PCDHGB6: variants seen among roughly 807,000 people sequenced by gnomAD.
The protein encoded by PCDHGB6 is protocadherin gamma subfamily B, 6.
A neutral mutation model predicts 59.1 loss-of-function variants in PCDHGB6; 51 were observed. The ratio of observed to expected loss-of-function variants is 0.86; its 90% CI spans 0.69 to 1.09. The LOEUF (loss-of-function observed/expected upper bound fraction) is 1.09. Among genes scored for constraint, PCDHGB6 ranks in the 50% least tolerant of loss-of-function variants. The pLI, the probability that PCDHGB6 is intolerant of heterozygous loss-of-function variation, is 0.00. For missense variants in PCDHGB6, 1,148 were observed against 1,205.1 expected (o/e 0.95, Z 0.70); for synonymous variants, 466 against 495.1 (o/e 0.94, Z 0.78).
intron 1 of PCDHGB6, among the ~76,000 whole-genome samples, chr5:141,439,557 A>C (rs766239185): frequency 1.2e-4 from 19 of 152,178 alleles, no homozygotes; most frequent in Non-Finnish European, 2.2e-4. Context: ...TTCAGGCTGC[A>C]GTTCTAGAGT....
chr5:141,433,850 A>C (rs899643386), intron 1 of PCDHGB6, among the ~76,000 whole-genome samples: 2 of 151,896 alleles, frequency 1.3e-5, no homozygotes, highest in East Asian at 3.9e-4. Flanking sequence ...AAAAAAAAAA[A>C]AAAAACTTTA....
intron 1 of PCDHGB6, among the ~76,000 whole-genome samples, chr5:141,433,809 C>A (rs913637407): frequency 5.3e-5 from 8 of 149,948 alleles, no homozygotes; most frequent in Non-Finnish European, 1.2e-4. Flanking sequence ...TGCACTCCAG[C>A]CTGGGCAACA....
intron 1 of PCDHGB6, chr5:141,417,186 C>A (rs2154546857): frequency 6.6e-6 from 1 of 152,258 alleles, no homozygotes; most frequent in Admixed American, 6.5e-5. Context: ...GGAATTATTA[C>A]TTTCTGGGTG....
chr5:141,460,822 C>A (rs2098998601), intron 1 of PCDHGB6, among the ~76,000 whole-genome samples: 2 of 151,502 alleles, frequency 1.3e-5, no homozygotes, highest in South Asian at 4.1e-4. Context: ...TACATATATA[C>A]ACACTTAAAG....
At chr5:141,427,266 G>A (rs753905641) in intron 1 of PCDHGB6, 15 of 456,620 alleles carry the variant, frequency 3.3e-5, no homozygotes, top group Non-Finnish European at 5.7e-5. Context: ...CATGACCAGC[G>A]AATGTAAAAT....
In PCDHGB6 at chr5:141,490,751, C is replaced by T. The variant is rs2099703884; in HGVS notation, c.2419-4056C>T. 6.2e-6 allele frequency: 10 copies of T among 1,614,092 alleles called. No individual in the cohort carries two copies. The highest frequency in any genetic ancestry group is 1.7e-5 in the Admixed American group (1 of 60,012). ...AATCAGGTTCAGGGAGCCCCAGCCT[C>T]CTCCTTTGTGTATGTCAACCCAGAG... On this transcript the variant is annotated intron_variant, in intron 1 of 3. Coordinates refer to ENST00000520790, the MANE Select transcript of PCDHGB6 (RefSeq NM_018926.3). This position sits in a 1 kb window ranked among gnomAD's most constrained non-coding sequence, Gnocchi z 5.4.
chr5:141,478,327 A>G lies in PCDHGB6; in HGVS notation c.2419-16480A>G, dbSNP rs149317962. The G allele has an allele frequency of 9.9e-6, 16 of 1,613,974 alleles. No homozygotes were observed. The African/African-American group carries it at 2.0e-4, about 20-fold the overall frequency. The stretch of plus-strand genomic sequence containing the variant: ...CCCCGGTGAGCTCACTGTACCGAAC[A>G]CCAGGGCCCTCCTTGCACGCGGACG... On this transcript the variant is annotated intron_variant, in intron 1 of 3. Transcript: ENST00000520790.
At chr5:141,459,442 A>G (rs2098968073) in intron 1 of PCDHGB6, among the ~76,000 whole-genome samples, 1 of 152,198 alleles carries the variant, frequency 6.6e-6, no homozygotes, top group South Asian at 2.1e-4. Context: ...CATTCATTCA[A>G]CTGTTGGTGG....
chr5:141,420,076 T>TC, intron 1 of PCDHGB6: 1 of 1,613,956 alleles, frequency 6.2e-7, no homozygotes, highest in Non-Finnish European at 8.5e-7. Context: ...GACCTGTGGG[T>TC]CCCCCCAACT....
chr5:141,421,895 G>A, intron 1 of PCDHGB6: 1 of 1,613,730 alleles, frequency 6.2e-7, no homozygotes, highest in African/African-American at 1.3e-5. Flanking sequence ...GATCCCATCC[G>A]AAAGGGCGCA....
chr5:141,452,641 CT>C (rs1351640847), intron 1 of PCDHGB6, among the ~76,000 whole-genome samples: 3 of 151,934 alleles, frequency 2.0e-5, no homozygotes, highest in Admixed American at 1.3e-4. Flanking sequence ...AATATATTTA[CT>C]CATTTGCTCC....
At chr5:141,414,223 G>C in intron 1 of PCDHGB6, 1 of 1,613,426 alleles carries the variant, frequency 6.2e-7, no homozygotes, top group Non-Finnish European at 8.5e-7. Flanking sequence ...CAACAGTCCA[G>C]AGCTGACCAT....
In PCDHGB6 at chr5:141,431,887, T is replaced by C; in HGVS notation, c.2418+21267T>C. The C allele has an allele frequency of 1.2e-6, 2 of 1,614,190 alleles. No individual in the cohort carries two copies. The highest frequency in any genetic ancestry group is 1.7e-6 in the Non-Finnish European group (2 of 1,179,996). ...TTTTAAATGTAAATGACCAAGATTCTGAGGAAAACGGACAGGTGATCTGTT... is the reference window on the plus strand; with the variant it reads ...TTTTAAATGTAAATGACCAAGATTCCGAGGAAAACGGACAGGTGATCTGTT... On this transcript the variant is annotated intron_variant, in intron 1 of 3. Coordinates refer to ENST00000520790, the MANE Select transcript of PCDHGB6 (RefSeq NM_018926.3). The surrounding 1 kb of genome is among the most constrained non-coding windows in gnomAD (Gnocchi z 4.8).
intron 1 of PCDHGB6, among the ~76,000 whole-genome samples, chr5:141,484,544 A>G (rs1160398392): frequency 6.6e-6 from 1 of 152,144 alleles, no homozygotes; most frequent in Non-Finnish European, 1.5e-5. Flanking sequence ...CAGTGGTTCT[A>G]ATTAGCAGTT....
At chr5:141,464,279 C>CAA (rs373828487) in intron 1 of PCDHGB6, among the ~76,000 whole-genome samples, 8,568 of 137,664 alleles carry the variant, frequency 0.062, 499 homozygotes, top group African/African-American at 0.16. Context: ...AAAAAAAAAG[C>CAA]AAAAAAAAAA....
Position 141,476,901 on chromosome 5 carries a change from G to A in PCDHGB6, c.2419-17906G>A, listed in dbSNP as rs1466086788. The A allele has an allele frequency of 1.9e-6, 3 of 1,613,782 alleles. No individual in the cohort carries two copies. The African/African-American group carries it at 4.0e-5, about 22-fold the overall frequency. On this transcript the variant is annotated intron_variant, in intron 1 of 3. Coordinates refer to ENST00000520790, the MANE Select transcript of PCDHGB6 (RefSeq NM_018926.3). The surrounding 1 kb of genome is among the most constrained non-coding windows in gnomAD (Gnocchi z 7.6). ...CTGGAGGATGCACCCTCCGGCACGC[G>A]CGTGGTACAAGTCCTTGCAACGGAT...
chr5:141,431,536 G>T lies in PCDHGB6; in HGVS notation c.2418+20916G>T. Reference sequence around the variant, plus strand: ...TTCCGGAGAATCTGGCCTTGGGCACGCAGCTGCTTGTAGTCAACGCTACCG... The same window carrying T: ...TTCCGGAGAATCTGGCCTTGGGCACTCAGCTGCTTGTAGTCAACGCTACCG... On this transcript the variant is annotated intron_variant, in intron 1 of 3. Coordinates refer to ENST00000520790, the MANE Select transcript of PCDHGB6 (RefSeq NM_018926.3). The surrounding 1 kb of genome is among the most constrained non-coding windows in gnomAD (Gnocchi z 4.8). 6.2e-7 allele frequency: 1 copy of T among 1,614,068 alleles called. No homozygotes were observed. Among genetic ancestry groups the T allele is most frequent in the Non-Finnish European group, 8.5e-7 (1 of 1,180,022 alleles).
chr5:141,432,305 G>T lies in PCDHGB6; in HGVS notation c.2418+21685G>T. 1 of 1,614,254 alleles carries T rather than the reference G, an allele frequency of 6.2e-7. No individual in the cohort carries two copies. Among genetic ancestry groups the T allele is most frequent in the African/African-American group, 1.3e-5 (1 of 75,072 alleles). ...CAACTCCGACACTGGGGTACTGTAT[G>T]CGCTGAGCTCCTTCGACTACGAGCA... On this transcript the variant is annotated intron_variant, in intron 1 of 3. Transcript: ENST00000520790. This position sits in a 1 kb window ranked among gnomAD's most constrained non-coding sequence, Gnocchi z 6.0.
chr5:141,511,373 G>T lies in PCDHGB6; in HGVS notation c.*200G>T. On this transcript the variant is annotated 3_prime_UTR_variant, in exon 4 of 4. Transcript: ENST00000520790. ...CCCCCAGGGGGTTGAATATGCAAAA[G>T]CAGTTCCGCTGGGAACCCCCATCCA... 8.0e-7 allele frequency: 1 copy of T among 1,251,332 alleles called. No homozygotes were observed. The highest frequency in any genetic ancestry group is 1.6e-5 in the South Asian group (1 of 63,796). The allele number at this position is 1,251,332 out of a possible 1,614,324, so 77.5% of individuals were successfully genotyped here.
Sources: gnomAD v4.1 joint callset for allele counts (sites outside exome capture counted in the v4.1 genomes callset) on GRCh38, gnomAD v4.1.1 for gene constraint, Gnocchi (gnomAD v3.1) non-coding constraint, MANE v1.5 for transcripts, NCBI Gene and HGNC (gene_info 2026-07-23, HGNC 2026-07-21) for gene names.